The following CYP3A43 variants were observed in gnomAD, a reference collection of about 807,000 sequenced individuals.
CYP3A43 encodes the protein cytochrome P450 family 3 subfamily A member 43.
Under a neutral mutation model 58.0 loss-of-function variants are expected in CYP3A43, and 45 were observed. The observed-to-expected ratio is 0.78, with a 90% confidence interval of 0.61 to 0.99. The LOEUF (loss-of-function observed/expected upper bound fraction) is 0.99. Among genes scored for constraint, CYP3A43 ranks in the 50% least tolerant of loss-of-function variants. CYP3A43 has a pLI of 0.00. For missense variants in CYP3A43, 593 were observed against 591.9 expected (o/e 1.00, Z -0.02); for synonymous variants, 191 against 201.4 (o/e 0.95, Z 0.44).
At chr7:99,865,793 G>GTT in intron 12 of CYP3A43, 113 bp from the exon 13 acceptor site, 2 of 646,426 alleles carry the variant, frequency 3.1e-6, no homozygotes, top group Non-Finnish European at 4.9e-6. Context: ...GCTGAAAGTA[G>GTT]TTTTTTTTTA....
intron 1 of CYP3A43, among the ~76,000 whole-genome samples, chr7:99,835,374 G>C (rs1417907193): frequency 1.3e-5 from 2 of 152,202 alleles, no homozygotes; most frequent in East Asian, 3.9e-4. Context: ...GACTGCTGCT[G>C]ATAAGCCTCT....
intron 3 of CYP3A43, among the ~76,000 whole-genome samples, chr7:99,840,353 T>C (rs570366373): frequency 2.0e-5 from 3 of 152,312 alleles, no homozygotes; most frequent in Non-Finnish European, 4.4e-5. Context: ...GACTCACACC[T>C]TGATCATGTA....
chr7:99,863,219 C>T (rs1446221684), intron 11 of CYP3A43, among the ~76,000 whole-genome samples: 2 of 152,166 alleles, frequency 1.3e-5, no homozygotes, highest in African/African-American at 2.4e-5. Context: ...AAGAAATAAC[C>T]TGTAAATATT....
intron 7 of CYP3A43, among the ~76,000 whole-genome samples, chr7:99,853,387 A>G (rs1762629308): frequency 6.6e-6 from 1 of 152,232 alleles, no homozygotes; most frequent in Non-Finnish European, 1.5e-5. Context: ...TGTTCTAATA[A>G]TAAAATTGTT....
chr7:99,828,312 T>C (rs1739675400), intron 1 of CYP3A43, 126 bp downstream of exon 1: 3 of 607,710 alleles, frequency 4.9e-6, no homozygotes, highest in Non-Finnish European at 8.4e-6. Flanking sequence ...AAGTGCCAAA[T>C]ACTGTGAACA....
intron 4 of CYP3A43, among the ~76,000 whole-genome samples, 155 bp from the exon 5 acceptor site, chr7:99,847,333 A>G (rs1316132295): frequency 6.6e-6 from 1 of 151,956 alleles, no homozygotes; most frequent in Non-Finnish European, 1.5e-5. Flanking sequence ...CACATTCAAG[A>G]TAAATCTTTA....
chr7:99,856,070 T>C (rs982251474), intron 8 of CYP3A43, among the ~76,000 whole-genome samples: 1 of 152,184 alleles, frequency 6.6e-6, no homozygotes, highest in Non-Finnish European at 1.5e-5. Context: ...ATAAAATTAT[T>C]TTATGGGTAT....
intron 4 of CYP3A43, among the ~76,000 whole-genome samples, chr7:99,844,778 A>T (rs1391219181): frequency 1.3e-5 from 2 of 152,156 alleles, no homozygotes; most frequent in Admixed American, 6.5e-5. Context: ...TCTAAAAGTT[A>T]TATGGTTTAA....
At chr7:99,861,255 C>T (rs1818219697) in intron 10 of CYP3A43, among the ~76,000 whole-genome samples, 1 of 152,136 alleles carries the variant, frequency 6.6e-6, no homozygotes, top group Non-Finnish European at 1.5e-5. Flanking sequence ...GGTACAGATG[C>T]ATAGCCTCTC....
At chr7:99,840,769 C>A (rs1194864131) in intron 3 of CYP3A43, among the ~76,000 whole-genome samples, 1 of 152,152 alleles carries the variant, frequency 6.6e-6, no homozygotes, top group Non-Finnish European at 1.5e-5. Context: ...ACTCAATAAA[C>A]CTCTATCAAT....
chr7:99,852,303 A>G (rs990018053), intron 7 of CYP3A43, among the ~76,000 whole-genome samples: 1 of 152,238 alleles, frequency 6.6e-6, no homozygotes, highest in African/African-American at 2.4e-5. Flanking sequence ...TTCCAAATCA[A>G]TTTTAAAATC....
intron 3 of CYP3A43, among the ~76,000 whole-genome samples, chr7:99,841,823 C>T (rs2151599378): frequency 6.6e-6 from 1 of 152,298 alleles, no homozygotes; most frequent in East Asian, 1.9e-4. Context: ...AACTTTGACA[C>T]ATTTTAATGT....
At chr7:99,830,678 C>T (rs531720034) in intron 1 of CYP3A43, among the ~76,000 whole-genome samples, 1 of 152,160 alleles carries the variant, frequency 6.6e-6, no homozygotes, top group African/African-American at 2.4e-5. Context: ...TCTTGTGTCA[C>T]CCACTCCCCA....
In CYP3A43 at chr7:99,847,523, A is replaced by C. The variant is rs747259347; in HGVS notation, c.354A>C (p.Leu118Phe). ...CAATGGGATTTCTGAAAAGTGCCTTAAGTTTTGCTGAAGATGAAGAATGGA... is the reference window on the plus strand; with the variant it reads ...CAATGGGATTTCTGAAAAGTGCCTTCAGTTTTGCTGAAGATGAAGAATGGA... Reference protein sequence around the residue: ...LGPMGFLKSALSFAEDEEWKR... With the variant: ...LGPMGFLKSAFSFAEDEEWKR... Residue 118 changes from leucine to phenylalanine, a missense_variant, in exon 5 of 13, where the codon TTA (leucine) becomes TTC (phenylalanine). Coordinates refer to ENST00000354829, the MANE Select transcript of CYP3A43 (RefSeq NM_057095.3). 1.9e-6 allele frequency: 3 copies of C among 1,613,904 alleles called. No homozygotes were observed. Among genetic ancestry groups the C allele is most frequent in the East Asian group, 4.5e-5 (2 of 44,874 alleles).
At chr7:99,850,871 G>C (rs763181575) in intron 7 of CYP3A43, among the ~76,000 whole-genome samples, 1 of 152,072 alleles carries the variant, frequency 6.6e-6, no homozygotes, top group Non-Finnish European at 1.5e-5. Flanking sequence ...TCATTGTATA[G>C]ATATGCTGCA....
intron 12 of CYP3A43, 56 bp from the exon 13 acceptor site, chr7:99,865,850 C>T (rs181478696): frequency 3.9e-6 from 5 of 1,288,104 alleles, no homozygotes; most frequent in Admixed American, 4.6e-5. Flanking sequence ...TATTTTGCTT[C>T]TATCTTTTCT....
chr7:99,849,500 G>C (rs568859), intron 6 of CYP3A43, 46 bp from the exon 7 acceptor site: 9 of 1,558,314 alleles, frequency 5.8e-6, no homozygotes, highest in Non-Finnish European at 7.8e-6. Flanking sequence ...GCAGAAGGAA[G>C]GTAAAGAGGT....
chr7:99,859,683 A>G, intron 9 of CYP3A43, 147 bp from the exon 10 acceptor site: 5 of 998,580 alleles, frequency 5.0e-6, no homozygotes, highest in Non-Finnish European at 7.5e-6. Flanking sequence ...GATACACATC[A>G]GAGTGAAGCC....
intron 1 of CYP3A43, among the ~76,000 whole-genome samples, chr7:99,829,764 A>C (rs1392450598): frequency 6.6e-6 from 1 of 152,182 alleles, no homozygotes; most frequent in Non-Finnish European, 1.5e-5. Context: ...CCATATACAG[A>C]CCTATCTTTC....
Sources: allele counts gnomAD v4.1 joint callset (sites outside exome capture counted in the v4.1 genomes callset), GRCh38; gene constraint gnomAD v4.1.1; transcripts MANE v1.5; gene names NCBI Gene and HGNC (gene_info 2026-07-23, HGNC 2026-07-21).